PPP1CB: variants seen among roughly 807,000 people sequenced by gnomAD.
PPP1CB encodes the protein serine/threonine-protein phosphatase PP1-beta catalytic subunit.
PPP1CB carries 2 observed loss-of-function variants against 43.7 expected under a neutral mutation model. The observed-to-expected ratio is 0.05, with a 90% confidence interval of 0.02 to 0.14. The LOEUF (loss-of-function observed/expected upper bound fraction) is 0.14. PPP1CB is among the 10% of genes least tolerant of loss of function. The pLI, the probability that PPP1CB is intolerant of heterozygous loss-of-function variation, is 1.00. For missense variants in PPP1CB, 84 were observed against 398.0 expected, an observed-to-expected ratio of 0.21 and a Z score of 6.71; for synonymous variants, 136 against 135.6, an observed-to-expected ratio of 1.00 and a Z score of -0.02.
At chr2:28,787,411 A>T (rs1283379400) in intron 5 of PPP1CB, among the ~76,000 whole-genome samples, 4 of 152,170 alleles carry the variant, frequency 2.6e-5, no homozygotes, top group African/African-American at 4.8e-5. Flanking sequence ...GTGAGCAGAG[A>T]TTGCACCACT....
At chr2:28,784,240 C>A (rs1429653391) in intron 5 of PPP1CB, among the ~76,000 whole-genome samples, 1 of 152,114 alleles carries the variant, frequency 6.6e-6, no homozygotes, top group Non-Finnish European at 1.5e-5. Flanking sequence ...AGTCCTTATA[C>A]CTATTTTTCT....
chr2:28,751,791 G>A (rs763050552), upstream of PPP1CB: 5 of 420,010 alleles, frequency 1.2e-5, no homozygotes, highest in Admixed American at 1.5e-4. Flanking sequence ...GGAGTGAGTG[G>A]CGCTGCGGGT....
Position 28,800,443 on chromosome 2 carries a change from G to A in PPP1CB, c.*1140G>A, listed in dbSNP as rs1000283818. The A allele has an allele frequency of 5.3e-5, 8 of 152,166 alleles. No homozygotes were observed. The highest frequency in any genetic ancestry group is 1.7e-4 in the African/African-American group (7 of 41,428). The allele number at this position is 152,166 out of a possible 1,614,324, so 9.4% of individuals were successfully genotyped here. On this transcript the variant is annotated 3_prime_UTR_variant, in exon 8 of 8. Coordinates refer to ENST00000395366, the MANE Select transcript of PPP1CB (RefSeq NM_002709.3). ...ATATTGCCATGTGAATGTTGTATAC[G>A]ATTGTAAGGCTTATGTCACTAAAGA... is the stretch of plus-strand genomic sequence containing the variant.
chr2:28,800,909 A>G lies in PPP1CB; in HGVS notation c.*1606A>G, dbSNP rs964445821. ...ATTGGCACATTGTATTACTTACTGCAAGAGATATTTCATTTTCAGCACAGT... is the reference window on the plus strand; with the variant it reads ...ATTGGCACATTGTATTACTTACTGCGAGAGATATTTCATTTTCAGCACAGT... On this transcript the variant is annotated 3_prime_UTR_variant, in exon 8 of 8. Transcript: ENST00000395366. 6.6e-6 allele frequency: 1 copy of G among 152,568 alleles called. No individual in the cohort carries two copies. 9.5% of individuals were successfully genotyped at this position (152,568 alleles called of 1,614,324 possible). A position where few individuals can be genotyped will look rare whatever the true frequency, so the allele number is the denominator to read the frequency against.
intron 1 of PPP1CB, 29 bp from the exon 2 acceptor site, chr2:28,776,822 A>G (rs374946537): frequency 8.8e-5 from 138 of 1,575,112 alleles, no homozygotes; most frequent in Non-Finnish European, 1.1e-4. Context: ...AATTTTAGAA[A>G]ACTGACTGTT....
rs768421975 is a variant in PPP1CB, at chr2:28,792,348, AAAAAG to A, written c.745-1506_745-1502del. Among the ~76,000 whole-genome samples the A allele has an allele frequency of 2.6e-5, 4 of 152,102 alleles. No individual in the cohort carries two copies. In the East Asian group the frequency reaches 5.8e-4, roughly 22 times the overall value. On this transcript the variant is annotated intron_variant, in intron 6 of 7. Coordinates refer to ENST00000395366, the MANE Select transcript of PPP1CB (RefSeq NM_002709.3). ...AGAGCAAAACTCCATCTCGAAAAAA[AAAAAG>A]AAAAGAAATACAAAAAAATTAGCCA...
At chr2:28,785,065 C>CT (rs769650329) in intron 5 of PPP1CB, among the ~76,000 whole-genome samples, 1,036 of 54,966 alleles carry the variant, frequency 0.019, 328 homozygotes, top group African/African-American at 0.053. Flanking sequence ...GTGTTAGGAG[C>CT]TTTTTTTTTT....
At chr2:28,773,755 T>G (rs1666965878) in intron 1 of PPP1CB, among the ~76,000 whole-genome samples, 1 of 152,230 alleles carries the variant, frequency 6.6e-6, no homozygotes, top group South Asian at 2.1e-4. Context: ...ACATCTGCCT[T>G]ATTCTGTCCA....
At chr2:28,755,755 A>G (rs1233064496) in intron 1 of PPP1CB, among the ~76,000 whole-genome samples, 2 of 152,184 alleles carry the variant, frequency 1.3e-5, no homozygotes, top group Non-Finnish European at 2.9e-5. Context: ...TGCATTTGGG[A>G]GGAGGTTAGT....
At chr2:28,767,007 G>C (rs971028393) in intron 1 of PPP1CB, among the ~76,000 whole-genome samples, 4 of 150,844 alleles carry the variant, frequency 2.7e-5, no homozygotes, top group Non-Finnish European at 4.4e-5. Context: ...CGTGAACCAG[G>C]GAGGCAGAGC....
intron 1 of PPP1CB, among the ~76,000 whole-genome samples, chr2:28,760,256 C>G (rs972742225): frequency 6.6e-6 from 1 of 152,004 alleles, no homozygotes; most frequent in Non-Finnish European, 1.5e-5. Context: ...TTAAGCTAAT[C>G]GTTACTAGAA....
At chr2:28,765,086 A>G (rs1263097289) in intron 1 of PPP1CB, among the ~76,000 whole-genome samples, 2 of 152,200 alleles carry the variant, frequency 1.3e-5, no homozygotes, top group African/African-American at 4.8e-5. Context: ...ACAGACACAT[A>G]TATATCACAT....
At position 28,800,019 on chromosome 2, in the gene PPP1CB, G is replaced by A. The variant is rs1444564856; in HGVS notation, c.*716G>A. 2.0e-5 allele frequency: 3 copies of A among 152,504 alleles called. No individual in the cohort carries two copies. The highest frequency in any genetic ancestry group is 4.4e-5 in the Non-Finnish European group (3 of 67,914). The allele number at this position is 152,504 out of a possible 1,614,324, so 9.4% of individuals were successfully genotyped here. A position where few individuals can be genotyped will look rare whatever the true frequency, so the allele number is the denominator to read the frequency against. ...CAGGAATTGACACTGATTTGGATTT[G>A]TGCACTCTAATTTTTAACTTATTGA... On this transcript the variant is annotated 3_prime_UTR_variant, in exon 8 of 8. Coordinates refer to ENST00000395366, the MANE Select transcript of PPP1CB (RefSeq NM_002709.3).
intron 6 of PPP1CB, among the ~76,000 whole-genome samples, chr2:28,789,331 A>G (rs1394184502): frequency 1.3e-5 from 2 of 151,838 alleles, no homozygotes; most frequent in Non-Finnish European, 2.9e-5. Context: ...ACAAAATGAG[A>G]TTCCATCTCT....
intron 1 of PPP1CB, among the ~76,000 whole-genome samples, chr2:28,765,879 C>T (rs1666768087): frequency 6.6e-6 from 1 of 152,122 alleles, no homozygotes; most frequent in Admixed American, 6.5e-5. Context: ...GCACTCTGGC[C>T]TGGGCAATAA....
intron 6 of PPP1CB, among the ~76,000 whole-genome samples, chr2:28,790,583 G>A (rs1473635949): frequency 2.0e-5 from 3 of 152,028 alleles, no homozygotes; most frequent in Non-Finnish European, 2.9e-5. Flanking sequence ...CAGGTGATCT[G>A]CCCACCTCAG....
At chr2:28,779,523 T>C (rs1667105437) in intron 3 of PPP1CB, among the ~76,000 whole-genome samples, 1 of 152,210 alleles carries the variant, frequency 6.6e-6, no homozygotes, top group African/African-American at 2.4e-5. Context: ...CTCTGGGGTA[T>C]CCTTATTTTA....
At chr2:28,783,779 AG>A in intron 4 of PPP1CB, 127 bp from the exon 5 acceptor site, 1 of 660,672 alleles carries the variant, frequency 1.5e-6, no homozygotes, top group East Asian at 2.8e-5. Context: ...AGACGTTAAA[AG>A]GAACACTTTT....
chr2:28,795,614 G>A (rs1460619164), intron 7 of PPP1CB, among the ~76,000 whole-genome samples: 1 of 152,176 alleles, frequency 6.6e-6, no homozygotes, highest in Non-Finnish European at 1.5e-5. Context: ...TTTTTGAGAA[G>A]TGTCTGTTCA....
Sources: allele counts gnomAD v4.1 joint callset (sites outside exome capture counted in the v4.1 genomes callset), GRCh38; gene constraint gnomAD v4.1.1; transcripts MANE v1.5; gene names NCBI Gene and HGNC (gene_info 2026-07-23, HGNC 2026-07-21).